Variants in MARK1 observed in about 807,000 individuals in gnomAD.
The protein encoded by MARK1 is microtubule affinity regulating kinase 1.
A neutral mutation model predicts 96.3 loss-of-function variants in MARK1; 40 were observed. The ratio of observed to expected loss-of-function variants is 0.42; its 90% CI spans 0.32 to 0.54. The LOEUF (loss-of-function observed/expected upper bound fraction) is 0.54. Among genes scored for constraint, MARK1 ranks in the 20% least tolerant of loss-of-function variants. The pLI is 0.16. For missense variants in MARK1, 719 were observed against 984.6 expected (o/e 0.73, Z 3.61); for synonymous variants, 317 against 341.2 (o/e 0.93, Z 0.78).
intron 6 of MARK1, among the ~76,000 whole-genome samples, chr1:220,608,066 C>T (rs1004508182): frequency 6.6e-6 from 1 of 152,168 alleles, no homozygotes; most frequent in Non-Finnish European, 1.5e-5. Context: ...ATGTTGGCCT[C>T]ATAAAATGAG....
intron 7 of MARK1, among the ~76,000 whole-genome samples, chr1:220,616,760 T>G (rs1666774831): frequency 6.6e-6 from 1 of 152,208 alleles, no homozygotes; most frequent in African/African-American, 2.4e-5. Flanking sequence ...CTCCAAATTT[T>G]TCTATTTCTT....
intron 2 of MARK1, 147 bp downstream of exon 2, chr1:220,579,704 G>A: frequency 1.6e-6 from 1 of 625,004 alleles, no homozygotes; most frequent in Non-Finnish European, 2.8e-6. Context: ...AGTAGGCAGA[G>A]GTTTATCACG....
chr1:220,534,402 A>G (rs1660540283), intron 1 of MARK1, among the ~76,000 whole-genome samples: 1 of 152,038 alleles, frequency 6.6e-6, no homozygotes, highest in African/African-American at 2.4e-5. Context: ...TTCTAAGTGT[A>G]TGTTTATACT....
chr1:220,534,152 C>G (rs1308202463), intron 1 of MARK1, among the ~76,000 whole-genome samples: 8 of 151,402 alleles, frequency 5.3e-5, no homozygotes, highest in Non-Finnish European at 1.0e-4. Context: ...TTTTTCACGT[C>G]TTATTTTTTA....
In MARK1 at chr1:220,650,697, A is replaced by G. The variant is rs1668825237; in HGVS notation, c.1548A>G (p.Ala516=). ...VCERTTDRYV[A]LQNGKDSSLT... The stretch of plus-strand genomic sequence containing the variant: ...AAAGGACCACAGATCGATACGTAGC[A>G]TTGCAGAATGGAAAAGACAGCAGGT... The change falls in exon 14 of 18, where the codon GCA becomes GCG. Residue 516 remains alanine, a synonymous_variant. Transcript: ENST00000366917. 1 of 1,613,630 alleles carries G rather than the reference A, an allele frequency of 6.2e-7. No individual in the cohort carries two copies. Among genetic ancestry groups the G allele is most frequent in the Non-Finnish European group, 8.5e-7 (1 of 1,179,630 alleles).
intron 1 of MARK1, among the ~76,000 whole-genome samples, chr1:220,562,090 T>C (rs1662705908): frequency 6.6e-6 from 1 of 152,188 alleles, no homozygotes; most frequent in South Asian, 2.1e-4. Context: ...TTTTATCTGG[T>C]TGGAAATATT....
At chr1:220,601,208 G>T (rs746540637) in intron 5 of MARK1, among the ~76,000 whole-genome samples, 1 of 151,928 alleles carries the variant, frequency 6.6e-6, no homozygotes, top group African/African-American at 2.4e-5. Flanking sequence ...ATTAGCCACC[G>T]CGCCTGGCCT....
rs111773587 is a variant in MARK1, at chr1:220,595,452, A to G, written c.310-2879A>G. Among the ~76,000 whole-genome samples, 29 of 152,310 alleles carry G rather than the reference A, an allele frequency of 1.9e-4. 1 individual carries two copies. The highest frequency in any genetic ancestry group is 7.0e-4 in the African/African-American group (29 of 41,574). ...CGCTTCTGAGTGAAGGCTGACTCCC[A>G]TTGTCCAAGGCTGCAATAGCAAAAT... On this transcript the variant is annotated intron_variant, in intron 3 of 17. Transcript: ENST00000366917.
chr1:220,612,429 C>T (rs1440578457), intron 6 of MARK1, among the ~76,000 whole-genome samples: 2 of 152,070 alleles, frequency 1.3e-5, no homozygotes, highest in African/African-American at 4.8e-5. Flanking sequence ...ATTGCAGAGA[C>T]TGAGTGCCAA....
rs1344916450 is a variant in MARK1 at position 220,579,288 on chromosome 1, C to T, written c.52-66C>T. Reference sequence around the variant, plus strand: ...GAATTGGTAATAATAATTATTTGTACTCTTTTTACTTGTCCTTTTATAATA... The same window carrying T: ...GAATTGGTAATAATAATTATTTGTATTCTTTTTACTTGTCCTTTTATAATA... On this transcript the variant is annotated intron_variant, in intron 1 of 17. Transcript: ENST00000366917. 4.7e-6 allele frequency: 5 copies of T among 1,057,660 alleles called. No individual in the cohort carries two copies. In the African/African-American group the frequency reaches 4.8e-5, roughly 10 times the overall value. The allele number at this position is 1,057,660 out of a possible 1,614,324, so 65.5% of individuals were successfully genotyped here.
chr1:220,656,856 C>T (rs1669204602), intron 16 of MARK1, among the ~76,000 whole-genome samples: 1 of 152,052 alleles, frequency 6.6e-6, no homozygotes, highest in Middle Eastern at 3.4e-3. Context: ...AGGCATAAGG[C>T]GTTCATATTC....
intron 6 of MARK1, 55 bp from the exon 7 acceptor site, chr1:220,615,884 G>T: frequency 3.4e-6 from 3 of 893,972 alleles, no homozygotes; most frequent in African/African-American, 1.7e-5. Flanking sequence ...GTGATTATTG[G>T]GGAAAATTGC....
intron 9 of MARK1, chr1:220,626,357 C>T: frequency 1.8e-6 from 1 of 549,978 alleles, no homozygotes; most frequent in Admixed American, 1.9e-5. Flanking sequence ...TTTTCAGGAA[C>T]TAGGGATCTA....
chr1:220,652,987 C>T, intron 15 of MARK1, 114 bp from the exon 16 acceptor site: 1 of 1,231,482 alleles, frequency 8.1e-7, no homozygotes, highest in Non-Finnish European at 1.1e-6. Context: ...CTAATGTGAA[C>T]AAATAAAGTA....
chr1:220,578,990 G>A (rs1029129883), intron 1 of MARK1, among the ~76,000 whole-genome samples: 18 of 152,020 alleles, frequency 1.2e-4, no homozygotes, highest in African/African-American at 4.1e-4. Flanking sequence ...TTACAGGCAC[G>A]TGCCACCACA....
chr1:220,608,458 A>G (rs981522059), intron 6 of MARK1, among the ~76,000 whole-genome samples: 14 of 151,932 alleles, frequency 9.2e-5, no homozygotes, highest in Non-Finnish European at 1.2e-4. Flanking sequence ...CTTCTTTATT[A>G]GTCTTGCTAC....
chr1:220,543,905 A>C (rs1661312251), intron 1 of MARK1, among the ~76,000 whole-genome samples: 1 of 152,178 alleles, frequency 6.6e-6, no homozygotes, highest in African/African-American at 2.4e-5. Context: ...GTTTTGGAAA[A>C]CACTGATTTA....
intron 1 of MARK1, among the ~76,000 whole-genome samples, chr1:220,568,038 T>C (rs1010825722): frequency 1.3e-5 from 2 of 152,164 alleles, no homozygotes; most frequent in African/African-American, 2.4e-5. Flanking sequence ...TTCTTTTGAA[T>C]AGGTTAATGC....
rs1462262846 is a variant in MARK1, at chr1:220,653,087, A to G, written c.1737-14A>G. ...TCATTATTCTGAATGATATATCTTA[A>G]TTTGTCCCAGCAGTACAACCCAGAG... On this transcript the variant is annotated splice_polypyrimidine_tract_variant and intron_variant, in intron 15 of 17. Transcript: ENST00000366917. 2.5e-6 allele frequency: 4 copies of G among 1,612,794 alleles called. No homozygotes were observed. In the South Asian group the frequency reaches 4.4e-5, roughly 18 times the overall value.
Sources: allele counts gnomAD v4.1 joint callset (sites outside exome capture counted in the v4.1 genomes callset), GRCh38; gene constraint gnomAD v4.1.1; transcripts MANE v1.5; gene names NCBI Gene and HGNC (gene_info 2026-07-23, HGNC 2026-07-21).